Variants in MET observed in about 807,000 individuals in gnomAD.
MET encodes MET proto-oncogene, receptor tyrosine kinase, also known as hepatocyte growth factor receptor.
Under a neutral mutation model 133.1 loss-of-function variants are expected in MET, and 48 were observed. The observed-to-expected ratio is 0.36, with a 90% CI of 0.29 to 0.46. MET has a LOEUF of 0.46. MET is among the 20% of genes least tolerant of loss of function. The pLI is 1.00. For missense variants in MET, 1,442 were observed against 1,695.9 expected, an observed-to-expected ratio of 0.85 and a Z score of 2.63; for synonymous variants, 628 against 616.5, an observed-to-expected ratio of 1.02 and a Z score of -0.28.
chr7:116,722,968 G>A (rs1186178731), intron 2 of MET, among the ~76,000 whole-genome samples: 2 of 148,668 alleles, frequency 1.3e-5, no homozygotes, highest in Non-Finnish European at 3.0e-5. Flanking sequence ...TCTTGGAGTT[G>A]CTCTTCTCAA....
At position 116,730,910 on chromosome 7, in the gene MET, C is replaced by T. The variant is rs578000565; in HGVS notation, c.1201-758C>T. Among the ~76,000 whole-genome samples the T allele has an allele frequency of 5.9e-5, 9 of 152,098 alleles. No individual in the cohort carries two copies. The East Asian group carries it at 9.6e-4, about 16-fold the overall frequency. ...TTGTTTGTTTGTTTTGTTTTTATTGCGTGGGAGGTCTTCCAGAAAACCTGC... is the reference window on the plus strand; with the variant it reads ...TTGTTTGTTTGTTTTGTTTTTATTGTGTGGGAGGTCTTCCAGAAAACCTGC... On this transcript the variant is annotated intron_variant, in intron 2 of 20. Coordinates refer to ENST00000397752, the MANE Select transcript of MET (RefSeq NM_000245.4).
chr7:116,681,587 T>A (rs1796360746), intron 1 of MET, among the ~76,000 whole-genome samples: 1 of 152,232 alleles, frequency 6.6e-6, no homozygotes, highest in African/African-American at 2.4e-5. Context: ...TAAATACGAA[T>A]TTAGACAGTG....
At chr7:116,689,796 G>T (rs1796711763) in intron 1 of MET, among the ~76,000 whole-genome samples, 1 of 152,084 alleles carries the variant, frequency 6.6e-6, no homozygotes, top group Non-Finnish European at 1.5e-5. Context: ...CTGAACTCAA[G>T]CAATCGTCTG....
intron 19 of MET, among the ~76,000 whole-genome samples, chr7:116,792,486 CA>C (rs1795539584): frequency 6.7e-6 from 1 of 148,424 alleles, no homozygotes; most frequent in Non-Finnish European, 1.5e-5. Flanking sequence ...CACACACACA[CA>C]CACACACACA....
At position 116,716,068 on chromosome 7, in the gene MET, T is replaced by C. The variant is rs191060445; in HGVS notation, c.1201-15600T>C. On this transcript the variant is annotated intron_variant, in intron 2 of 20. Transcript: ENST00000397752. The stretch of plus-strand genomic sequence containing the variant: ...GAATTCAAGACCAGCCTGGGCAACA[T>C]GGCAAAATCCCATCTCTACAAAGAA... Among the ~76,000 whole-genome samples the C allele has an allele frequency of 3.6e-4, 54 of 152,064 alleles. No individual in the cohort carries two copies. In the East Asian group the frequency reaches 5.6e-3, roughly 16 times the overall value.
chr7:116,795,811 C>T lies in MET; in HGVS notation c.3935+20C>T. 6.2e-7 allele frequency: 1 copy of T among 1,614,184 alleles called. No individual in the cohort carries two copies. Among genetic ancestry groups the T allele is most frequent in the Non-Finnish European group, 8.5e-7 (1 of 1,180,014 alleles). ...CCCCTTGTAAGTAGTCTTTCTGTAC[C>T]TCTTACGTTCTTTACTTTTACAGAA... On this transcript the variant is annotated intron_variant, in intron 20 of 20. Transcript: ENST00000397752.
At chr7:116,793,968 C>T (rs1386072717) in intron 19 of MET, among the ~76,000 whole-genome samples, 1 of 150,412 alleles carries the variant, frequency 6.6e-6, no homozygotes, top group African/African-American at 2.4e-5. Context: ...CCACCCAAAA[C>T]TCTCCCTCTG....
chr7:116,743,904 G>T (rs546264111), intron 5 of MET, among the ~76,000 whole-genome samples: 38 of 152,188 alleles, frequency 2.5e-4, no homozygotes, highest in Admixed American at 2.5e-3. Flanking sequence ...AGGGTCTGGA[G>T]TGGACCTCCA....
chr7:116,750,019 T>C (rs1296707879), intron 5 of MET, among the ~76,000 whole-genome samples: 1 of 152,104 alleles, frequency 6.6e-6, no homozygotes, highest in East Asian at 1.9e-4. Flanking sequence ...AAGTAATTTA[T>C]ACATTCAATG....
chr7:116,753,615 C>A (rs922406011), intron 5 of MET, among the ~76,000 whole-genome samples: 1 of 151,984 alleles, frequency 6.6e-6, no homozygotes, highest in East Asian at 1.9e-4. Context: ...AAAATTTAAT[C>A]CTAAAAATGA....
At chr7:116,769,976 C>A in intron 12 of MET, 185 bp downstream of exon 12, 1 of 825,198 alleles carries the variant, frequency 1.2e-6, no homozygotes. Context: ...CTTCCCCAAG[C>A]CTGGGAGGTA....
At chr7:116,774,743 G>T (rs2117028038) in intron 14 of MET, 138 bp from the exon 15 acceptor site, 1 of 678,328 alleles carries the variant, frequency 1.5e-6, no homozygotes, top group Non-Finnish European at 2.5e-6. Flanking sequence ...TGAAATGCTT[G>T]TATATATAAC....
At chr7:116,733,878 TACAG>T (rs1231852458) in intron 3 of MET, among the ~76,000 whole-genome samples, 1 of 152,198 alleles carries the variant, frequency 6.6e-6, no homozygotes, top group Non-Finnish European at 1.5e-5. Context: ...TAATAGTACC[TACAG>T]ACAAAGGGCT....
intron 1 of MET, among the ~76,000 whole-genome samples, chr7:116,695,287 G>A (rs1162136618): frequency 6.6e-6 from 1 of 152,106 alleles, no homozygotes; most frequent in Non-Finnish European, 1.5e-5. Context: ...TTGCCCTCTA[G>A]TACAACAAAT....
intron 14 of MET, among the ~76,000 whole-genome samples, chr7:116,772,420 A>C (rs937624021): frequency 4.6e-5 from 7 of 152,204 alleles, no homozygotes; most frequent in Non-Finnish European, 1.5e-5. Context: ...TTTTCAATGA[A>C]CTGTTAGTAC....
chr7:116,695,479 A>G (rs1796930122), intron 1 of MET, among the ~76,000 whole-genome samples: 1 of 152,218 alleles, frequency 6.6e-6, no homozygotes, highest in African/African-American at 2.4e-5. Context: ...TCACGTGAGA[A>G]TATCTGACCC....
At position 116,673,695 on chromosome 7, in the gene MET, G is replaced by T. The variant is rs561252733; in HGVS notation, c.-15+1118G>T. On this transcript the variant is annotated intron_variant, in intron 1 of 20. Coordinates refer to ENST00000397752, the MANE Select transcript of MET (RefSeq NM_000245.4). ...TAATGAATTTTTTCTGCATGAAGAT[G>T]ATCTGAAAATGATGTACATCATGTT... is the stretch of plus-strand genomic sequence containing the variant. Among the ~76,000 whole-genome samples the T allele has an allele frequency of 2.8e-4, 43 of 152,302 alleles. No homozygotes were observed. In the South Asian group the frequency reaches 8.7e-3, roughly 31 times the overall value.
chr7:116,674,831 T>C (rs1251896821), intron 1 of MET, among the ~76,000 whole-genome samples: 1 of 152,238 alleles, frequency 6.6e-6, no homozygotes, highest in Non-Finnish European at 1.5e-5. Flanking sequence ...CTTTAGGCAT[T>C]AGGCTTAGTG....
chr7:116,771,290 T>C (rs1245439491), intron 12 of MET, among the ~76,000 whole-genome samples: 1 of 152,212 alleles, frequency 6.6e-6, no homozygotes, highest in Admixed American at 6.5e-5. Flanking sequence ...AACAGCTAAG[T>C]ACCACATAAG....
Sources: gnomAD v4.1 joint callset for allele counts (sites outside exome capture counted in the v4.1 genomes callset) on GRCh38, gnomAD v4.1.1 for gene constraint, MANE v1.5 for transcripts, NCBI Gene and HGNC (gene_info 2026-07-23, HGNC 2026-07-21) for gene names.